The following EVA1C variants were observed in gnomAD, a reference collection of about 807,000 sequenced individuals.
EVA1C encodes eva-1 homolog C.
EVA1C carries 25 observed loss-of-function variants against 45.4 expected under a neutral mutation model. The ratio of observed to expected loss-of-function variants is 0.55; its 90% CI spans 0.40 to 0.77. EVA1C has a LOEUF of 0.77. Ranked by LOEUF, EVA1C falls within the 30% of genes least tolerant of loss-of-function variation. The pLI, the probability that EVA1C is intolerant of heterozygous loss-of-function variation, is 0.00. For synonymous variants in EVA1C, 190 were observed against 221.2 expected (o/e 0.86, Z 1.25); for missense variants, 479 against 554.8 (o/e 0.86, Z 1.37).
chr21:32,466,883 A>G (rs2036195461), intron 3 of EVA1C, among the ~76,000 whole-genome samples: 1 of 151,710 alleles, frequency 6.6e-6, no homozygotes, highest in African/African-American at 2.4e-5. Flanking sequence ...CTGGTCTCCA[A>G]CTTCTGGGCT....
intron 3 of EVA1C, among the ~76,000 whole-genome samples, chr21:32,463,710 G>A (rs989792224): frequency 1.7e-4 from 25 of 149,566 alleles, no homozygotes; most frequent in East Asian, 6.0e-4. Flanking sequence ...TAATAAATGC[G>A]TTTCATGACA....
chr21:32,432,563 T>A (rs747333161), intron 1 of EVA1C, among the ~76,000 whole-genome samples: 1 of 151,622 alleles, frequency 6.6e-6, no homozygotes, highest in African/African-American at 2.4e-5. Flanking sequence ...CATGGGAGAG[T>A]CAGAGTCTGC....
In EVA1C at chr21:32,434,598, AAATAAATAAAT is replaced by A. The variant is rs1311636318; in HGVS notation, c.161-18711_161-18701del. 4.4e-3 allele frequency among the ~76,000 whole-genome samples: 145 copies of A among 33,170 alleles called. No individual in the cohort carries two copies. In the African/African-American group the frequency reaches 0.13, roughly 30 times the overall value. 21.8% of individuals were successfully genotyped at this position (33,170 alleles called of 152,430 possible). ...AGAGCGAGACTCCGTCTCAAAAAAT[AAATAAATAAAT>A]AAATAAATAAATAAATAAATAAAAT... On this transcript the variant is annotated intron_variant, in intron 1 of 7. Coordinates refer to ENST00000300255, the MANE Select transcript of EVA1C (RefSeq NM_058187.5).
intron 3 of EVA1C, among the ~76,000 whole-genome samples, chr21:32,462,921 C>A (rs926993563): frequency 3.0e-4 from 45 of 152,178 alleles, no homozygotes; most frequent in African/African-American, 1.0e-3. Flanking sequence ...GGGTAAATCT[C>A]TGTTCGAGGC....
At chr21:32,430,084 A>T (rs2034640929) in intron 1 of EVA1C, among the ~76,000 whole-genome samples, 1 of 152,174 alleles carries the variant, frequency 6.6e-6, no homozygotes, top group African/African-American at 2.4e-5. Context: ...GGCACCTGGG[A>T]TCAGGCGTGG....
intron 6 of EVA1C, among the ~76,000 whole-genome samples, chr21:32,502,006 TTCTTTC>T (rs1184586152): frequency 1.7e-5 from 2 of 120,426 alleles, no homozygotes; most frequent in African/African-American, 7.3e-5. Context: ...CTTTCTTTCT[TTCTTTC>T]TTTCTTTCTT....
At position 32,487,910 on chromosome 21, in the gene EVA1C, C is replaced by T. The variant is rs548971116; in HGVS notation, c.635-7117C>T. 8.5e-5 allele frequency among the ~76,000 whole-genome samples: 13 copies of T among 152,108 alleles called. No individual in the cohort carries two copies. The South Asian group carries it at 2.5e-3, about 29-fold the overall frequency. ...AAGCCAGTCTTGCAAATTCTGGAAC[C>T]CAAGAAGAACCCCTGATTTATAGGT... On this transcript the variant is annotated intron_variant, in intron 4 of 7. Transcript: ENST00000300255.
At chr21:32,422,020 G>A (rs1298487298) in intron 1 of EVA1C, among the ~76,000 whole-genome samples, 8 of 134,014 alleles carry the variant, frequency 6.0e-5, no homozygotes, top group Admixed American at 5.8e-4. Context: ...ACTCCAGCCT[G>A]GGCAACAGAG....
intron 4 of EVA1C, among the ~76,000 whole-genome samples, chr21:32,471,917 C>T (rs1032439456): frequency 3.3e-5 from 5 of 152,094 alleles, no homozygotes; most frequent in Non-Finnish European, 7.3e-5. Flanking sequence ...CGTGAGCAAC[C>T]GCACTCGGCC....
intron 1 of EVA1C, chr21:32,428,800 A>G (rs1457330410): frequency 2.6e-5 from 4 of 152,238 alleles, no homozygotes; most frequent in Non-Finnish European, 5.9e-5. Context: ...TTGACTATTA[A>G]GTTGTAAATT....
chr21:32,514,961 A>G lies in EVA1C; in HGVS notation c.1097A>G (p.Asp366Gly). 6.2e-7 allele frequency: 1 copy of G among 1,614,146 alleles called. No homozygotes were observed. Among genetic ancestry groups the G allele is most frequent in the Non-Finnish European group, 8.5e-7 (1 of 1,180,014 alleles). ...AGGGAGCAGCTGGTGCCAGGAAGTG[A>G]CAAGGTCGAGGAGGACAGCGAGGAT... ...LGREQLVPGSDKVEEDSEDEE... is the reference protein window; with the variant it reads ...LGREQLVPGSGKVEEDSEDEE... The change falls in exon 8 of 8, where the codon GAC (aspartate) becomes GGC (glycine). Residue 366 changes from aspartate to glycine, a missense_variant. This residue lies in a region of EVA1C where 366 missense variants were observed against 426.1 expected (regional missense o/e 0.86). Transcript: ENST00000300255.
At chr21:32,512,450 C>T (rs1211727054) in intron 7 of EVA1C, among the ~76,000 whole-genome samples, 1 of 152,160 alleles carries the variant, frequency 6.6e-6, no homozygotes, top group Non-Finnish European at 1.5e-5. Flanking sequence ...CCCCATTCGA[C>T]TTCCTTCACT....
chr21:32,436,855 T>A (rs547953346), intron 1 of EVA1C, among the ~76,000 whole-genome samples: 1 of 152,174 alleles, frequency 6.6e-6, no homozygotes, highest in South Asian at 2.1e-4. Flanking sequence ...CCTGTTGGAT[T>A]TTACTGATAA....
At chr21:32,448,969 AAG>A (rs1250619080) in intron 1 of EVA1C, among the ~76,000 whole-genome samples, 2 of 138,992 alleles carry the variant, frequency 1.4e-5, no homozygotes, top group African/African-American at 6.5e-5. Flanking sequence ...GAGAAAGAAA[AAG>A]AAAGAAAGAA....
At chr21:32,448,952 A>AG (rs61365246) in intron 1 of EVA1C, among the ~76,000 whole-genome samples, 1 of 150,984 alleles carries the variant, frequency 6.6e-6, no homozygotes, top group African/African-American at 2.5e-5. Context: ...GAGAGAAAGA[A>AG]AGAAAAGAGA....
At chr21:32,466,237 G>A (rs920667559) in intron 3 of EVA1C, among the ~76,000 whole-genome samples, 8 of 152,004 alleles carry the variant, frequency 5.3e-5, no homozygotes, top group Admixed American at 4.6e-4. Flanking sequence ...TGGCTAACAC[G>A]GTGAAACCCA....
chr21:32,495,401 C>A (rs1601418375), intron 5 of EVA1C, among the ~76,000 whole-genome samples: 1 of 152,220 alleles, frequency 6.6e-6, no homozygotes, highest in East Asian at 1.9e-4. Flanking sequence ...TGTAAAAGCA[C>A]CTTTAGCAAT....
chr21:32,486,370 C>T (rs1283161321), intron 4 of EVA1C, among the ~76,000 whole-genome samples: 1 of 152,188 alleles, frequency 6.6e-6, no homozygotes, highest in Non-Finnish European at 1.5e-5. Context: ...GGTGATCTGC[C>T]TGCCTCAGCC....
At chr21:32,459,040 G>C (rs1486880392) in intron 3 of EVA1C, among the ~76,000 whole-genome samples, 1 of 151,972 alleles carries the variant, frequency 6.6e-6, no homozygotes, top group African/African-American at 2.4e-5. Flanking sequence ...CGTCAAAGCT[G>C]CCCTGTGTTC....
Sources: allele counts gnomAD v4.1 joint callset (sites outside exome capture counted in the v4.1 genomes callset), GRCh38; gene constraint gnomAD v4.1.1; regional missense constraint gnomAD v4.1.1; transcripts MANE v1.5; gene names NCBI Gene and HGNC (gene_info 2026-07-23, HGNC 2026-07-21).